Variants in TSGA10 observed in about 807,000 individuals in gnomAD.
TSGA10 encodes testis specific 10.
Under a neutral mutation model 96.6 loss-of-function variants are expected in TSGA10, and 43 were observed. That is an observed-to-expected ratio of 0.44 (90% CI 0.35 to 0.57). The LOEUF is 0.57. Among genes scored for constraint, TSGA10 ranks in the 20% least tolerant of loss-of-function variants. TSGA10 has a pLI of 0.01. For synonymous variants in TSGA10, 229 were observed against 269.9 expected (o/e 0.85, Z 1.48); for missense variants, 703 against 834.4 (o/e 0.84, Z 1.94).
At chr2:99,122,101 C>T (rs963030503) in intron 2 of TSGA10, among the ~76,000 whole-genome samples, 1 of 152,180 alleles carries the variant, frequency 6.6e-6, no homozygotes, top group Non-Finnish European at 1.5e-5. Flanking sequence ...TCTCTAGATT[C>T]TCTGTTCTGT....
intron 12 of TSGA10, among the ~76,000 whole-genome samples, chr2:99,073,491 C>A (rs912246218): frequency 1.3e-5 from 2 of 152,010 alleles, no homozygotes; most frequent in African/African-American, 4.8e-5. Flanking sequence ...CCCAGAGAAG[C>A]CAATCATGTA....
In TSGA10 at chr2:98,998,046, C is replaced by T; in HGVS notation, c.*151G>A. ...GTCATCTCAGATCACTGCAACATGG[C>T]ACATTAGAACAGAGATTCAGAGACA... On this transcript the variant is annotated 3_prime_UTR_variant, in exon 21 of 21. Transcript: ENST00000393483. 1.4e-6 allele frequency: 1 copy of T among 697,850 alleles called. No individual in the cohort carries two copies. The highest frequency in any genetic ancestry group is 2.4e-6 in the Non-Finnish European group (1 of 421,940). The allele number at this position is 697,850 out of a possible 1,614,324, so 43.2% of individuals were successfully genotyped here.
At position 99,068,974 on chromosome 2, in the gene TSGA10, T is replaced by A. The variant is rs774539579; in HGVS notation, c.1132A>T (p.Thr378Ser). Residue 378 changes from threonine to serine, a missense_variant, in exon 15 of 21, where the codon ACT (threonine) becomes TCT (serine). By Grantham distance (58) the Thr-to-Ser change is moderately conservative. This residue lies in a region of TSGA10 where 585 missense variants were observed against 656.8 expected (regional missense o/e 0.89). Transcript: ENST00000393483. Reference protein sequence around the residue: ...NQALSKKLNDTHNELNDIKQK... With the variant: ...NQALSKKLNDSHNELNDIKQK... ...TTTATGTCATTAAGTTCATTATGAG[T>A]GTCATTCAATTTTTTGGACAGTGCC... The A allele has an allele frequency of 1.4e-6, 2 of 1,467,716 alleles. No individual in the cohort carries two copies. The allele number at this position is 1,467,716 out of a possible 1,614,324, so 90.9% of individuals were successfully genotyped here.
Position 99,059,111 on chromosome 2 carries a change from G to C in TSGA10, c.1404+5828C>G, listed in dbSNP as rs925359194. Among the ~76,000 whole-genome samples, 4 of 144,782 alleles carry C rather than the reference G, an allele frequency of 2.8e-5. No individual in the cohort carries two copies. In the South Asian group the frequency reaches 8.9e-4, roughly 32 times the overall value. The allele number at this position is 144,782 out of a possible 152,430, so 95.0% of individuals were successfully genotyped here. A position where few individuals can be genotyped will look rare whatever the true frequency, so the allele number is the denominator to read the frequency against. On this transcript the variant is annotated intron_variant, in intron 16 of 20. Coordinates refer to ENST00000393483, the MANE Select transcript of TSGA10 (RefSeq NM_025244.4). ...ATATATATATATGCAATCTAATAAT[G>C]TATGTTTAAAAATACATCATGACCT...
At chr2:99,107,457 TA>T (rs1438740049) in intron 7 of TSGA10, among the ~76,000 whole-genome samples, 16 of 148,424 alleles carry the variant, frequency 1.1e-4, no homozygotes, top group East Asian at 7.8e-4. Flanking sequence ...TGCCTGCCTT[TA>T]AAAAAAAAAG....
intron 20 of TSGA10, among the ~76,000 whole-genome samples, chr2:99,015,582 C>T (rs1381118142): frequency 1.3e-5 from 2 of 152,126 alleles, no homozygotes; most frequent in Non-Finnish European, 2.9e-5. Flanking sequence ...CCCCTGAGAA[C>T]TGGAACAAGA....
intron 4 of TSGA10, among the ~76,000 whole-genome samples, chr2:99,112,083 A>G (rs927278491): frequency 5.3e-5 from 8 of 152,148 alleles, no homozygotes; most frequent in African/African-American, 1.7e-4. Context: ...GATTTAAAAA[A>G]ATGTTGATTC....
intron 1 of TSGA10, among the ~76,000 whole-genome samples, chr2:99,132,645 G>C (rs2093145793): frequency 6.6e-6 from 1 of 152,076 alleles, no homozygotes; most frequent in South Asian, 2.1e-4. Context: ...CTTATCTTCT[G>C]CTAGCTTTTG....
intron 1 of TSGA10, chr2:99,150,480 C>A (rs878942064): frequency 3.3e-5 from 39 of 1,171,062 alleles, no homozygotes; most frequent in Admixed American, 8.6e-5. Flanking sequence ...TTTTTTTTTT[C>A]AGTAATCAAG....
In TSGA10 at chr2:99,083,466, G is replaced by A. The variant is rs149230612; in HGVS notation, c.612-2069C>T. On this transcript the variant is annotated intron_variant, in intron 10 of 20. Coordinates refer to ENST00000393483, the MANE Select transcript of TSGA10 (RefSeq NM_025244.4). ...TGAGAAACAGAGGAAAGAAACAAACGAAAAACACCCCCAAAAAATAACATG... is the reference window on the plus strand; with the variant it reads ...TGAGAAACAGAGGAAAGAAACAAACAAAAAACACCCCCAAAAAATAACATG... Among the ~76,000 whole-genome samples, 858 of 151,980 alleles carry A rather than the reference G, an allele frequency of 5.6e-3. 9 individuals carry two copies. The highest frequency in any genetic ancestry group is 0.02 in the African/African-American group (831 of 41,450).
intron 16 of TSGA10, among the ~76,000 whole-genome samples, chr2:99,055,897 T>C (rs1573912873): frequency 7.0e-6 from 1 of 141,984 alleles, no homozygotes; most frequent in South Asian, 2.3e-4. Flanking sequence ...AAGAAATTAC[T>C]GAAATAAAGA....
rs1044388941 is a variant in TSGA10 at position 99,057,063 on chromosome 2, G to T, written c.1404+7876C>A. On this transcript the variant is annotated intron_variant, in intron 16 of 20. Coordinates refer to ENST00000393483, the MANE Select transcript of TSGA10 (RefSeq NM_025244.4). ...CACTCTTCAAAGTAACAATAAAAGGGAATTTCTTCAGTGTCATAAAGGTTT... is the reference window on the plus strand; with the variant it reads ...CACTCTTCAAAGTAACAATAAAAGGTAATTTCTTCAGTGTCATAAAGGTTT... Among the ~76,000 whole-genome samples the T allele has an allele frequency of 2.0e-5, 3 of 150,428 alleles. No homozygotes were observed. The East Asian group carries it at 5.8e-4, about 29-fold the overall frequency.
At chr2:99,086,138 T>C (rs2088339052) in intron 10 of TSGA10, among the ~76,000 whole-genome samples, 1 of 151,614 alleles carries the variant, frequency 6.6e-6, no homozygotes, top group South Asian at 2.1e-4. Flanking sequence ...TTTACCTACA[T>C]AACAAACCTA....
chr2:99,074,620 A>G (rs1330023589), intron 12 of TSGA10, among the ~76,000 whole-genome samples: 3 of 152,208 alleles, frequency 2.0e-5, no homozygotes, highest in Admixed American at 6.5e-5. Context: ...AATTTAATAC[A>G]TTTCTAAACA....
chr2:99,127,886 G>T (rs1327467837), intron 1 of TSGA10, among the ~76,000 whole-genome samples: 3 of 152,048 alleles, frequency 2.0e-5, no homozygotes, highest in African/African-American at 7.2e-5. Flanking sequence ...TTCATTTCTA[G>T]AAATTTATAC....
At chr2:99,141,296 G>A (rs867183944) in intron 1 of TSGA10, 3 of 486,920 alleles carry the variant, frequency 6.2e-6, no homozygotes, top group Non-Finnish European at 9.2e-6. Flanking sequence ...AGGAGGGGGC[G>A]GTTAGCGCCA....
chr2:99,044,432 AAAG>A (rs1174729509), intron 16 of TSGA10, among the ~76,000 whole-genome samples: 1 of 152,208 alleles, frequency 6.6e-6, no homozygotes, highest in Non-Finnish European at 1.5e-5. Flanking sequence ...CAAAAGAGAC[AAAG>A]AAGGGCATAA....
chr2:99,126,933 C>A (rs1300736054), intron 2 of TSGA10, 115 bp downstream of exon 2: 2 of 955,132 alleles, frequency 2.1e-6, no homozygotes, highest in South Asian at 3.3e-5. Flanking sequence ...TGATTTTAGA[C>A]CCATAACATT....
intron 17 of TSGA10, among the ~76,000 whole-genome samples, chr2:99,022,261 G>A (rs1045505935): frequency 3.7e-5 from 5 of 134,514 alleles, no homozygotes; most frequent in African/African-American, 8.4e-5. Flanking sequence ...AGAAGTTGAG[G>A]ATACAGTGAG....
Sources: gnomAD v4.1 joint callset for allele counts (sites outside exome capture counted in the v4.1 genomes callset) on GRCh38, gnomAD v4.1.1 for gene constraint, gnomAD v4.1.1 regional missense constraint, MANE v1.5 for transcripts, NCBI Gene and HGNC (gene_info 2026-07-23, HGNC 2026-07-21) for gene names.